ARMC2: variants seen among roughly 807,000 people sequenced by gnomAD.
The protein encoded by ARMC2 is armadillo repeat-containing protein 2.
ARMC2 carries 67 observed loss-of-function variants against 90.3 expected under a neutral mutation model. The ratio of observed to expected loss-of-function variants is 0.74; its 90% CI spans 0.61 to 0.91. ARMC2 has a LOEUF of 0.91. Among genes scored for constraint, ARMC2 ranks in the 40% least tolerant of loss-of-function variants. The pLI, the probability that ARMC2 is intolerant of heterozygous loss-of-function variation, is 0.00. For missense variants in ARMC2, 920 were observed against 1,030.9 expected, an observed-to-expected ratio of 0.89 and a Z score of 1.47; for synonymous variants, 393 against 393.0, an observed-to-expected ratio of 1.00 and a Z score of 0.00.
At chr6:109,052,390 T>C in the ARMC2 span, among the ~76,000 whole-genome samples, 4 of 152,194 alleles carry the variant, frequency 2.6e-5, no homozygotes, top group African/African-American at 9.6e-5. Flanking sequence ...CACAAAATGA[T>C]TAAAATTGAT....
intron 5 of ARMC2, among the ~76,000 whole-genome samples, chr6:108,892,446 G>A (rs1771163285): frequency 1.3e-5 from 2 of 151,940 alleles, no homozygotes; most frequent in Admixed American, 6.6e-5. Flanking sequence ...ATTAAAGGAA[G>A]TGTTAAGTGT....
chr6:108,861,256 CTGTGTT>C (rs1344374307), intron 3 of ARMC2, among the ~76,000 whole-genome samples: 2 of 152,178 alleles, frequency 1.3e-5, no homozygotes, highest in Non-Finnish European at 2.9e-5. Flanking sequence ...TTCTGTTACT[CTGTGTT>C]TGTGTGTATG....
intron 12 of ARMC2, among the ~76,000 whole-genome samples, chr6:108,940,572 G>A (rs1400645708): frequency 1.3e-5 from 2 of 152,112 alleles, no homozygotes; most frequent in African/African-American, 4.8e-5. Context: ...GCTCTTTACT[G>A]TACATGTGGC....
rs146247267 is a variant in ARMC2 at position 108,947,524 on chromosome 6, A to G, written c.1597-5509A>G. ...AATGCTGCCACCATTGGAACTGGAC[A>G]TAGACCATCCTGGTGAGCAGTGCCC... On this transcript the variant is annotated intron_variant, in intron 12 of 17. Transcript: ENST00000392644. 7.0e-4 allele frequency among the ~76,000 whole-genome samples: 107 copies of G among 152,320 alleles called. 1 individual carries two copies. Among genetic ancestry groups the G allele is most frequent in the African/African-American group, 2.5e-3 (105 of 41,582 alleles).
the ARMC2 span, chr6:108,998,589 T>C: frequency 6.2e-6 from 10 of 1,613,822 alleles, no homozygotes; most frequent in Admixed American, 1.0e-4. Flanking sequence ...GATGCAGTAG[T>C]TGCTAACAGA....
chr6:108,923,537 G>A (rs1774804755), intron 10 of ARMC2, among the ~76,000 whole-genome samples: 1 of 151,292 alleles, frequency 6.6e-6, no homozygotes, highest in Non-Finnish European at 1.5e-5. Context: ...AAAAGTAGGA[G>A]CAAAATTCAG....
chr6:109,030,201 A>G, the ARMC2 span, among the ~76,000 whole-genome samples: 3 of 152,224 alleles, frequency 2.0e-5, no homozygotes, highest in Non-Finnish European at 4.4e-5. Context: ...ACTTTAGTAC[A>G]TAACAAGAAA....
chr6:109,036,409 C>T, the ARMC2 span, among the ~76,000 whole-genome samples: 1 of 152,160 alleles, frequency 6.6e-6, no homozygotes, highest in Non-Finnish European at 1.5e-5. Flanking sequence ...GCTTAACCAT[C>T]ATTCTTTGCC....
chr6:108,918,703 G>A (rs1040246058), intron 10 of ARMC2, among the ~76,000 whole-genome samples: 2 of 152,144 alleles, frequency 1.3e-5, no homozygotes, highest in Non-Finnish European at 1.5e-5. Flanking sequence ...GGGACACTGA[G>A]CCCACTTTAC....
intron 11 of ARMC2, among the ~76,000 whole-genome samples, chr6:108,930,000 G>C (rs931072594): frequency 1.3e-5 from 2 of 151,894 alleles, no homozygotes; most frequent in Admixed American, 6.6e-5. Flanking sequence ...GGTGGTATGT[G>C]ACTGTAGTCC....
the ARMC2 span, chr6:108,994,481 ACTCT>A: frequency 5.0e-6 from 8 of 1,612,228 alleles, no homozygotes; most frequent in African/African-American, 1.3e-5. Context: ...AGACAAACAT[ACTCT>A]CTCTTTTTTC....
chr6:108,858,740 A>G (rs1440223104), intron 3 of ARMC2, among the ~76,000 whole-genome samples: 1 of 152,134 alleles, frequency 6.6e-6, no homozygotes, highest in Non-Finnish European at 1.5e-5. Context: ...ACAAAAATCC[A>G]ATGGTCTCCT....
Position 108,973,306 on chromosome 6 carries a change from A to G in ARMC2, c.2447-51A>G, listed in dbSNP as rs987479803. 2.0e-6 allele frequency: 3 copies of G among 1,491,910 alleles called. No individual in the cohort carries two copies. The African/African-American group carries it at 4.2e-5, about 21-fold the overall frequency. The allele number at this position is 1,491,910 out of a possible 1,614,324, so 92.4% of individuals were successfully genotyped here. ...ATATCATCAAAATTAAACTATATTCAATAGGATTACATTTCTAAATAATGC... is the reference window on the plus strand; with the variant it reads ...ATATCATCAAAATTAAACTATATTCGATAGGATTACATTTCTAAATAATGC... On this transcript the variant is annotated intron_variant, in intron 17 of 17. Transcript: ENST00000392644.
the ARMC2 span, among the ~76,000 whole-genome samples, chr6:109,004,310 T>C: frequency 6.6e-6 from 1 of 151,986 alleles, no homozygotes. Flanking sequence ...GACTTTCACA[T>C]GGGAAAAATA....
At chr6:108,888,338 T>C (rs1006800075) in intron 5 of ARMC2, among the ~76,000 whole-genome samples, 3 of 152,140 alleles carry the variant, frequency 2.0e-5, no homozygotes, top group African/African-American at 4.8e-5. Context: ...CAGTCTCACA[T>C]TGGGGGATAG....
intron 12 of ARMC2, among the ~76,000 whole-genome samples, chr6:108,938,599 C>CTTTTTTTTTTTTTTTTTTTTTTTT (rs4027582): frequency 1.6e-4 from 13 of 83,102 alleles, no homozygotes; most frequent in East Asian, 9.4e-4. Flanking sequence ...CCATTACTAC[C>CTTTTTTTTTTTTTTTTTTTTTTTT]TTTTTTTTTT....
chr6:108,914,710 T>A (rs1773776610), intron 10 of ARMC2, among the ~76,000 whole-genome samples: 1 of 152,194 alleles, frequency 6.6e-6, no homozygotes, highest in African/African-American at 2.4e-5. Flanking sequence ...ATCCCCTGAA[T>A]GGGACATTTC....
chr6:108,920,790 C>T (rs923785737), intron 10 of ARMC2, among the ~76,000 whole-genome samples: 1 of 152,082 alleles, frequency 6.6e-6, no homozygotes, highest in African/African-American at 2.4e-5. Context: ...CCTGGAGGAG[C>T]AGAACACCTT....
chr6:108,865,570 A>G (rs189193798), intron 3 of ARMC2, among the ~76,000 whole-genome samples: 1 of 152,308 alleles, frequency 6.6e-6, no homozygotes, highest in East Asian at 1.9e-4. Flanking sequence ...GTAAAATGGA[A>G]CCGAATTTTT....
Sources: gnomAD v4.1 joint callset for allele counts (sites outside exome capture counted in the v4.1 genomes callset) on GRCh38, gnomAD v4.1.1 for gene constraint, MANE v1.5 for transcripts, NCBI Gene and HGNC (gene_info 2026-07-23, HGNC 2026-07-21) for gene names.